The following GNAI2 variants were observed in gnomAD, a reference collection of about 807,000 sequenced individuals.
GNAI2 encodes guanine nucleotide-binding protein G(i) subunit alpha-2.
GNAI2 carries 4 observed loss-of-function variants against 36.8 expected under a neutral mutation model. The ratio of observed to expected loss-of-function variants is 0.11; its 90% CI spans 0.05 to 0.25. GNAI2 has a LOEUF of 0.25. Among genes scored for constraint, GNAI2 ranks in the 10% least tolerant of loss-of-function variants. The pLI is 1.00. For missense variants in GNAI2, 230 were observed against 481.3 expected (o/e 0.48, Z 4.89); for synonymous variants, 194 against 194.1 (o/e 1.00, Z 0.01).
chr3:50,253,224 TG>T lies in GNAI2; in HGVS notation c.464+45del. ...GGGCTGGGCAGGGCAGGGCAGGGGC[TG>T]GGGGAGGACTAAAGGCTGGACCGGA... is the stretch of plus-strand genomic sequence containing the variant. On this transcript the variant is annotated intron_variant, in intron 4 of 8. Coordinates refer to ENST00000313601, the MANE Select transcript of GNAI2 (RefSeq NM_002070.4). This position sits in a 1 kb window ranked among gnomAD's most constrained non-coding sequence, Gnocchi z 4.2. The T allele has an allele frequency of 1.3e-6, 2 of 1,540,276 alleles. No individual in the cohort carries two copies. The highest frequency in any genetic ancestry group is 1.8e-6 in the Non-Finnish European group (2 of 1,122,872).
At position 50,239,260 on chromosome 3, in the gene GNAI2, G is replaced by A. The variant is rs117398803; in HGVS notation, c.118+2807G>A. Among the ~76,000 whole-genome samples, 53 of 152,330 alleles carry A rather than the reference G, an allele frequency of 3.5e-4. 1 individual carries two copies. The East Asian group carries it at 8.3e-3, about 24-fold the overall frequency. Reference sequence around the variant, plus strand: ...AGTGTCCACCATTGGCTCCATAAAGGCTTCAGAATGTAAACAGAGCAGTTC... The same window carrying A: ...AGTGTCCACCATTGGCTCCATAAAGACTTCAGAATGTAAACAGAGCAGTTC... On this transcript the variant is annotated intron_variant, in intron 1 of 8. Transcript: ENST00000313601.
chr3:50,259,190 C>T lies in GNAI2; in HGVS notation c.*847C>T. On this transcript the variant is annotated 3_prime_UTR_variant, in exon 9 of 9. Transcript: ENST00000313601. ...CTCTATTAACCTAAAATGTAGCTCC[C>T]TAGCGCTAACCTAGGAACCGCCGCT... is the stretch of plus-strand genomic sequence containing the variant. 2 of 273,662 alleles carry T rather than the reference C, an allele frequency of 7.3e-6. No individual in the cohort carries two copies. Among genetic ancestry groups the T allele is most frequent in the Non-Finnish European group, 1.4e-5 (2 of 138,532 alleles). 17.0% of individuals were successfully genotyped at this position (273,662 alleles called of 1,614,324 possible).
chr3:50,229,562 A>G (rs1259289633), upstream of GNAI2: 1 of 152,288 alleles, frequency 6.6e-6, no homozygotes, highest in African/African-American at 2.4e-5. Context: ...GCCTCATGGC[A>G]GTCCCCTCTC....
chr3:50,257,816 G>A, intron 8 of GNAI2, 102 bp downstream of exon 8: 1 of 530,996 alleles, frequency 1.9e-6, no homozygotes, highest in Non-Finnish European at 3.3e-6. Context: ...ACCTGGAGGG[G>A]GAGGGGCAAT....
rs1553702735 is a variant in GNAI2 at position 50,252,973 on chromosome 3, A to G, written c.304-51A>G. 2.0e-6 allele frequency: 3 copies of G among 1,495,524 alleles called. No homozygotes were observed. In the South Asian group the frequency reaches 3.7e-5, roughly 19 times the overall value. The allele number at this position is 1,495,524 out of a possible 1,614,324, so 92.6% of individuals were successfully genotyped here. The stretch of plus-strand genomic sequence containing the variant: ...TTCCAGAGGTCTCCCTGCCTCTGGC[A>G]GAGTGGGGGTACATTCCTTCAACTG... On this transcript the variant is annotated intron_variant, in intron 3 of 8. Coordinates refer to ENST00000313601, the MANE Select transcript of GNAI2 (RefSeq NM_002070.4). This position sits in a 1 kb window ranked among gnomAD's most constrained non-coding sequence, Gnocchi z 4.1.
chr3:50,229,721 C>T (rs1700041413), upstream of GNAI2: 1 of 152,404 alleles, frequency 6.6e-6, no homozygotes, highest in African/African-American at 2.4e-5. Context: ...ACTGGTCCTT[C>T]CACATGATTC....
In GNAI2 at chr3:50,258,527, G is replaced by C. The variant is rs1334478169; in HGVS notation, c.*184G>C. The C allele has an allele frequency of 5.8e-5, 10 of 172,516 alleles. No homozygotes were observed. Among genetic ancestry groups the C allele is most frequent in the Non-Finnish European group, 1.1e-4 (9 of 79,622 alleles). 10.7% of individuals were successfully genotyped at this position (172,516 alleles called of 1,614,324 possible). On this transcript the variant is annotated 3_prime_UTR_variant, in exon 9 of 9. Coordinates refer to ENST00000313601, the MANE Select transcript of GNAI2 (RefSeq NM_002070.4). ...AGACGTAGGGGAGGGGTTGCCACAG[G>C]CCTCCCTGTTTGAAGCCTGCCCTTG...
rs150943193 is a variant in GNAI2 at position 50,253,075 on chromosome 3, G to A, written c.355G>A (p.Val119Met). The change falls in exon 4 of 9, where the codon GTG becomes ATG. Residue 119 changes from valine to methionine, a missense_variant. This residue lies in a region of GNAI2 where 132 missense variants were observed against 247.4 expected (regional missense o/e 0.53). Coordinates refer to ENST00000313601, the MANE Select transcript of GNAI2 (RefSeq NM_002070.4). This position sits in a 1 kb window ranked among gnomAD's most constrained non-coding sequence, Gnocchi z 4.2. ...GTCCTGCACCGCCGAGGAGCAAGGC[G>A]TGCTCCCTGATGACCTGTCCGGCGT... is the stretch of plus-strand genomic sequence containing the variant. ...ALSCTAEEQG[V>M]LPDDLSGVIR... 2.1e-5 allele frequency: 34 copies of A among 1,612,262 alleles called. No individual in the cohort carries two copies. The African/African-American group carries it at 2.4e-4, about 11-fold the overall frequency.
upstream of GNAI2, among the ~76,000 whole-genome samples, chr3:50,234,062 ATTTTTT>A (rs782209651): frequency 3.6e-5 from 3 of 82,496 alleles, no homozygotes; most frequent in South Asian, 3.9e-4. Flanking sequence ...CGCCCAGCTG[ATTTTTT>A]TTTTTTTTTT....
chr3:50,246,836 G>C, intron 1 of GNAI2: 3 of 1,241,196 alleles, frequency 2.4e-6, no homozygotes, highest in South Asian at 1.6e-5. Context: ...AGCTGTGTAG[G>C]AGTGCCGGGT....
In GNAI2 at chr3:50,236,496, A is replaced by T; in HGVS notation, c.118+43A>T. On this transcript the variant is annotated intron_variant, in intron 1 of 8. Coordinates refer to ENST00000313601, the MANE Select transcript of GNAI2 (RefSeq NM_002070.4). This position sits in a 1 kb window ranked among gnomAD's most constrained non-coding sequence, Gnocchi z 4.0. Reference sequence around the variant, plus strand: ...ACTGGGATCCTTGATTCCCAGCTCGAATCCCCAGACAAGGACTTTGACCTC... The same window carrying T: ...ACTGGGATCCTTGATTCCCAGCTCGTATCCCCAGACAAGGACTTTGACCTC... The T allele has an allele frequency of 2.6e-6, 4 of 1,557,180 alleles. No homozygotes were observed. Among genetic ancestry groups the T allele is most frequent in the Non-Finnish European group, 3.5e-6 (4 of 1,156,896 alleles).
chr3:50,236,185 T>C, upstream of GNAI2: 5 of 1,166,620 alleles, frequency 4.3e-6, no homozygotes, highest in Non-Finnish European at 4.2e-6. This position sits in a 1 kb window ranked among gnomAD's most constrained non-coding sequence, Gnocchi z 4.0. Context: ...TGCGCGGCGG[T>C]AGGGAAGGCG....
chr3:50,227,203 T>C (rs1575430997), upstream of GNAI2: 1 of 1,408,754 alleles, frequency 7.1e-7, no homozygotes, highest in Non-Finnish European at 9.3e-7. The surrounding 1 kb of genome is among the most constrained non-coding windows in gnomAD (Gnocchi z 5.9). Context: ...GGTAAGCCGA[T>C]GGCGGCTATC....
rs781955898 is a variant in GNAI2, at chr3:50,256,282, C to T, written c.555C>T (p.Ile185=). The change falls in exon 5 of 9, where the codon ATC becomes ATT. Residue 185 remains isoleucine, a synonymous_variant. Transcript: ENST00000313601. ...GGACCCGCGTAAAGACCACGGGGAT[C>T]GTGGAGACACACTTCACCTTCAAGG... is the stretch of plus-strand genomic sequence containing the variant. The part of the protein sequence containing the change: ...VLRTRVKTTG[I]VETHFTFKDL... 51 of 1,612,802 alleles carry T rather than the reference C, an allele frequency of 3.2e-5. No individual in the cohort carries two copies. In the Admixed American group the frequency reaches 7.8e-4, roughly 25 times the overall value.
chr3:50,232,923 G>C (rs991583458), upstream of GNAI2, among the ~76,000 whole-genome samples: 3 of 151,908 alleles, frequency 2.0e-5, no homozygotes, highest in South Asian at 6.3e-4. Flanking sequence ...CCTGGGAACA[G>C]GGGCCAGTGG....
chr3:50,229,971 C>G (rs747085008), upstream of GNAI2: 4 of 152,324 alleles, frequency 2.6e-5, no homozygotes, highest in Non-Finnish European at 5.9e-5. Flanking sequence ...CGCACTGCCC[C>G]CCAGCCGCCA....
At chr3:50,229,310 C>T (rs1700032359), upstream of GNAI2, 1 of 152,254 alleles carries the variant, frequency 6.6e-6, no homozygotes, top group African/African-American at 2.4e-5. Flanking sequence ...ACCATGAACT[C>T]TTCAAGGACA....
At chr3:50,251,042 C>T (rs903072547) in intron 1 of GNAI2, among the ~76,000 whole-genome samples, 3 of 152,014 alleles carry the variant, frequency 2.0e-5, no homozygotes, top group African/African-American at 7.2e-5. Flanking sequence ...AACTCCTGAC[C>T]TCAGGTGATC....
At chr3:50,257,478 G>A (rs782621282) in intron 7 of GNAI2, 22 bp from the exon 8 acceptor site, 1 of 1,522,444 alleles carries the variant, frequency 6.6e-7, no homozygotes, top group Non-Finnish European at 8.9e-7. Flanking sequence ...TGCAGCACAA[G>A]TCTTCATTTT....
Sources: allele counts gnomAD v4.1 joint callset (sites outside exome capture counted in the v4.1 genomes callset), GRCh38; gene constraint gnomAD v4.1.1; regional missense constraint gnomAD v4.1.1; non-coding constraint Gnocchi (gnomAD v3.1); transcripts MANE v1.5; gene names NCBI Gene and HGNC (gene_info 2026-07-23, HGNC 2026-07-21).